CRACR2A: variants seen among roughly 807,000 people sequenced by gnomAD.
CRACR2A encodes EF-hand calcium-binding domain-containing protein 4B.
Under a neutral mutation model 90.5 loss-of-function variants are expected in CRACR2A, and 79 were observed. The ratio of observed to expected loss-of-function variants is 0.87; its 90% CI spans 0.73 to 1.05. The LOEUF (loss-of-function observed/expected upper bound fraction) is 1.05. Ranked by LOEUF, CRACR2A falls within the 50% of genes least tolerant of loss-of-function variation. The pLI, the probability that CRACR2A is intolerant of heterozygous loss-of-function variation, is 0.00. For synonymous variants in CRACR2A, 338 were observed against 356.7 expected (o/e 0.95, Z 0.59); for missense variants, 823 against 897.2 (o/e 0.92, Z 1.06).
intron 6 of CRACR2A, among the ~76,000 whole-genome samples, chr12:3,676,162 G>A (rs1945332533): frequency 6.6e-6 from 1 of 152,062 alleles, no homozygotes. Context: ...TATTTATTAT[G>A]ATCTGTTGTA....
chr12:3,637,924 G>C (rs981751410), intron 14 of CRACR2A, among the ~76,000 whole-genome samples, 200 bp downstream of exon 14: 6 of 152,198 alleles, frequency 3.9e-5, no homozygotes, highest in Non-Finnish European at 8.8e-5. Context: ...GGTCTAAGGA[G>C]AATTTATCAG....
intron 12 of CRACR2A, among the ~76,000 whole-genome samples, chr12:3,643,864 TATATATTATATATATTTATATTA>T (rs1354873837): frequency 6.2e-4 from 15 of 24,156 alleles, no homozygotes; most frequent in Admixed American, 1.1e-3. Context: ...ATTTATATTA[TATATATTATATATATTTATATTA>T]ATATATAATA....
At chr12:3,618,580 G>C (rs1157540062) in intron 18 of CRACR2A, among the ~76,000 whole-genome samples, 2 of 152,082 alleles carry the variant, frequency 1.3e-5, no homozygotes. Context: ...GTTCTCCCAG[G>C]CTCTGAACTC....
At chr12:3,661,456 C>G (rs990822190) in intron 7 of CRACR2A, among the ~76,000 whole-genome samples, 2 of 152,198 alleles carry the variant, frequency 1.3e-5, no homozygotes, top group African/African-American at 2.4e-5. Flanking sequence ...CAAGCTGGGA[C>G]CCCGTCTTCA....
intron 11 of CRACR2A, among the ~76,000 whole-genome samples, chr12:3,646,967 G>T (rs969960238): frequency 1.6e-4 from 25 of 152,186 alleles, no homozygotes; most frequent in African/African-American, 6.0e-4. Flanking sequence ...TAAGACTCGG[G>T]TTGGTTAAGT....
chr12:3,687,537 T>G (rs1163373867), intron 4 of CRACR2A, among the ~76,000 whole-genome samples: 1 of 152,246 alleles, frequency 6.6e-6, no homozygotes, highest in Non-Finnish European at 1.5e-5. Context: ...CTTGTTCTTT[T>G]TATGGCTGCA....
At chr12:3,665,799 G>A (rs1479225237) in intron 7 of CRACR2A, among the ~76,000 whole-genome samples, 3 of 152,200 alleles carry the variant, frequency 2.0e-5, no homozygotes, top group Non-Finnish European at 4.4e-5. Context: ...ACTAAATGTG[G>A]AGAGAGAAGT....
intron 2 of CRACR2A, among the ~76,000 whole-genome samples, chr12:3,713,552 C>T (rs1314514519): frequency 6.6e-6 from 1 of 152,128 alleles, no homozygotes; most frequent in East Asian, 1.9e-4. Flanking sequence ...GAGATTATGT[C>T]CAGCCTGATG....
At position 3,711,045 on chromosome 12, in the gene CRACR2A, A is replaced by G. The variant is rs529843697; in HGVS notation, c.-37+2192T>C. On this transcript the variant is annotated intron_variant, in intron 3 of 19. Coordinates refer to ENST00000440314, the MANE Select transcript of CRACR2A (RefSeq NM_001144958.2). The surrounding 1 kb of genome is among the most constrained non-coding windows in gnomAD (Gnocchi z 4.3). Reference sequence around the variant, plus strand: ...CTCGTTCCATTCCAACAGCCTCAAAAGTCTCAACTCGTTCTAGCATAAACT... The same window carrying G: ...CTCGTTCCATTCCAACAGCCTCAAAGGTCTCAACTCGTTCTAGCATAAACT... Among the ~76,000 whole-genome samples, 1 of 152,324 alleles carries G rather than the reference A, an allele frequency of 6.6e-6. No homozygotes were observed. The highest frequency in any genetic ancestry group is 1.5e-5 in the Non-Finnish European group (1 of 68,028).
intron 3 of CRACR2A, among the ~76,000 whole-genome samples, chr12:3,704,045 A>G (rs924483542): frequency 4.6e-5 from 7 of 152,366 alleles, no homozygotes; most frequent in East Asian, 1.9e-4. Context: ...CAAGTGTTTA[A>G]TCCAGCCATC....
intron 11 of CRACR2A, among the ~76,000 whole-genome samples, chr12:3,646,330 G>A (rs546971982): frequency 5.1e-4 from 77 of 152,318 alleles, no homozygotes; most frequent in Non-Finnish European, 1.6e-4. Context: ...AGTGGCCTCT[G>A]AACAAACCCA....
chr12:3,730,724 AATT>A (rs1044294969), intron 2 of CRACR2A: 1 of 152,174 alleles, frequency 6.6e-6, no homozygotes, highest in African/African-American at 2.4e-5. Flanking sequence ...AGTCTGTTAT[AATT>A]ATGTAAGAAG....
intron 3 of CRACR2A, among the ~76,000 whole-genome samples, chr12:3,707,273 G>A (rs1451556078): frequency 2.0e-5 from 3 of 152,180 alleles, no homozygotes; most frequent in African/African-American, 7.2e-5. Flanking sequence ...TCTTGTTCTA[G>A]TCTCAAGGGA....
chr12:3,731,456 C>G (rs1946360204), intron 2 of CRACR2A: 1 of 152,336 alleles, frequency 6.6e-6, no homozygotes, highest in East Asian at 1.9e-4. Flanking sequence ...AGCTGGGCCC[C>G]AGCTCAGCAC....
At position 3,684,834 on chromosome 12, in the gene CRACR2A, G is replaced by T. The variant is rs148992846; in HGVS notation, c.229-4485C>A. On this transcript the variant is annotated intron_variant, in intron 4 of 19. Coordinates refer to ENST00000440314, the MANE Select transcript of CRACR2A (RefSeq NM_001144958.2). Reference sequence around the variant, plus strand: ...AGAGTCAGAGCTGCCTGTCATTGCAGACAGACTGCGGGGAGCCAGGACACA... The same window carrying T: ...AGAGTCAGAGCTGCCTGTCATTGCATACAGACTGCGGGGAGCCAGGACACA... Among the ~76,000 whole-genome samples the T allele has an allele frequency of 2.6e-3, 395 of 152,322 alleles. 2 individuals are homozygous for T. Among genetic ancestry groups the T allele is most frequent in the African/African-American group, 9.0e-3 (373 of 41,578 alleles).
At chr12:3,677,196 C>T (rs562130012) in intron 6 of CRACR2A, among the ~76,000 whole-genome samples, 110 of 152,312 alleles carry the variant, frequency 7.2e-4, no homozygotes, top group African/African-American at 2.2e-3. Flanking sequence ...TCCAGAACAA[C>T]ACACAAATCA....
chr12:3,674,472 A>G (rs552835321), intron 6 of CRACR2A, among the ~76,000 whole-genome samples: 4 of 152,330 alleles, frequency 2.6e-5, no homozygotes, highest in African/African-American at 9.6e-5. Context: ...GAAACTAAAA[A>G]ATCTGTGGCC....
chr12:3,735,434 G>A (rs1387932918), intron 1 of CRACR2A, among the ~76,000 whole-genome samples: 1 of 152,172 alleles, frequency 6.6e-6, no homozygotes, highest in East Asian at 1.9e-4. Flanking sequence ...AAGCAATAGA[G>A]GCAGGCAGAC....
intron 7 of CRACR2A, among the ~76,000 whole-genome samples, chr12:3,663,338 T>C (rs999752778): frequency 1.3e-5 from 2 of 152,088 alleles, no homozygotes; most frequent in Non-Finnish European, 2.9e-5. Context: ...TTAAAATTCT[T>C]GCGACAATAC....
Sources: allele counts gnomAD v4.1 joint callset (sites outside exome capture counted in the v4.1 genomes callset), GRCh38; gene constraint gnomAD v4.1.1; non-coding constraint Gnocchi (gnomAD v3.1); transcripts MANE v1.5; gene names NCBI Gene and HGNC (gene_info 2026-07-23, HGNC 2026-07-21).